Variants in NHS observed in about 807,000 individuals in gnomAD.
The protein encoded by NHS is actin remodeling regulator NHS.
NHS carries 5 observed loss-of-function variants against 72.5 expected under a neutral mutation model. The ratio of observed to expected loss-of-function variants is 0.07; its 90% CI spans 0.04 to 0.14. The LOEUF is 0.14. Ranked by LOEUF, NHS falls within the 10% of genes least tolerant of loss-of-function variation. The pLI, the probability that NHS is intolerant of heterozygous loss-of-function variation, is 1.00. For missense variants in NHS, 1,072 were observed against 1,355.7 expected, an observed-to-expected ratio of 0.79 and a Z score of 3.29; for synonymous variants, 464 against 547.7, an observed-to-expected ratio of 0.85 and a Z score of 2.13.
intron 1 of NHS, among the ~76,000 whole-genome samples, chrX:17,572,491 C>CTTTTTTTTT (rs760577193): frequency 6.4e-5 from 3 of 46,764 alleles, no homozygotes; most frequent in African/African-American, 3.9e-4. Context: ...GCAACCCCTG[C>CTTTTTTTTT]TTTTTTTTTT....
chrX:17,452,062 C>A (rs756987731), intron 1 of NHS, among the ~76,000 whole-genome samples: 2 of 111,449 alleles, frequency 1.8e-5, no homozygotes, highest in Non-Finnish European at 3.8e-5. Context: ...CATGGGAATC[C>A]ATAGGAGACC....
At chrX:17,526,801 T>G (rs1471006542) in intron 1 of NHS, among the ~76,000 whole-genome samples, 2 of 112,338 alleles carry the variant, frequency 1.8e-5, no homozygotes, top group African/African-American at 6.5e-5. Context: ...TTTAATGAGC[T>G]AATCTATTTC....
chrX:17,542,855 G>A (rs763357735), intron 1 of NHS, among the ~76,000 whole-genome samples: 164 of 111,518 alleles, frequency 1.5e-3, no homozygotes, highest in African/African-American at 5.1e-3. Context: ...CAGTTGTCTC[G>A]TCTACAAAAT....
intron 3 of NHS, among the ~76,000 whole-genome samples, chrX:17,698,811 C>G (rs1686913037): frequency 9.0e-6 from 1 of 111,347 alleles, no homozygotes; most frequent in Non-Finnish European, 1.9e-5. Context: ...TATCATATAT[C>G]ATATTAACAG....
At chrX:17,657,864 G>A (rs2147090549) in intron 1 of NHS, among the ~76,000 whole-genome samples, 1 of 113,018 alleles carries the variant, frequency 8.8e-6, no homozygotes, top group East Asian at 2.8e-4. Context: ...AGGGACAAAA[G>A]GGGCCAGGTG....
Position 17,692,447 on chromosome X carries a change from T to A in NHS, c.831T>A (p.Phe277Leu), listed in dbSNP as rs1416704729. 1 of 1,210,493 alleles carries A rather than the reference T, an allele frequency of 8.3e-7. No homozygotes were observed. The highest frequency in any genetic ancestry group is 2.2e-5 in the Admixed American group (1 of 45,860). Residue 277 changes from phenylalanine (F) to leucine (L), a missense_variant, in exon 3 of 9, where the codon TTT (phenylalanine) becomes TTA (leucine). By Grantham distance (22) the Phe-to-Leu change is conservative. Transcript: ENST00000676302. Reference sequence around the variant, plus strand: ...CTCACAGCCAGAGGAGGCGTGAGTTTAAGGACCGTCACTTTTTAACGGTAA... The same window carrying A: ...CTCACAGCCAGAGGAGGCGTGAGTTAAAGGACCGTCACTTTTTAACGGTAA... ...PPAHSQRRREFKDRHFLTFNS... is the reference protein window; with the variant it reads ...PPAHSQRRRELKDRHFLTFNS...
chrX:17,420,439 C>T (rs1044285876), intron 1 of NHS, among the ~76,000 whole-genome samples: 2 of 111,167 alleles, frequency 1.8e-5, no homozygotes, highest in Non-Finnish European at 3.8e-5. Flanking sequence ...TTCTTCCATC[C>T]ACTCACTTAC....
intron 1 of NHS, among the ~76,000 whole-genome samples, chrX:17,495,336 G>A (rs768044888): frequency 1.1e-3 from 125 of 111,551 alleles, no homozygotes; most frequent in Non-Finnish European, 1.8e-3. Context: ...AGAGATGAGT[G>A]GATAGGAAAA....
At chrX:17,487,902 G>A (rs1473694797) in intron 1 of NHS, among the ~76,000 whole-genome samples, 2 of 111,775 alleles carry the variant, frequency 1.8e-5, no homozygotes, top group Non-Finnish European at 3.8e-5. Context: ...ACAAAACCTT[G>A]TGCTTGCTGC....
At chrX:17,430,435 T>C (rs953916709) in intron 1 of NHS, among the ~76,000 whole-genome samples, 34 of 101,931 alleles carry the variant, frequency 3.3e-4, no homozygotes, top group African/African-American at 1.2e-3. Flanking sequence ...CTTCCTTTCT[T>C]TCTCTCTCTC....
intron 1 of NHS, among the ~76,000 whole-genome samples, chrX:17,594,797 G>A (rs1401903876): frequency 8.9e-6 from 1 of 112,615 alleles, no homozygotes; most frequent in Non-Finnish European, 1.9e-5. Context: ...GCAAGTTTGT[G>A]GCCTTAGCTA....
At position 17,511,526 on chromosome X, in the gene NHS, T is replaced by C. The variant is rs1400439980; in HGVS notation, c.565+135204T>C. Among the ~76,000 whole-genome samples, 7 of 111,642 alleles carry C rather than the reference T, an allele frequency of 6.3e-5. No homozygotes were observed. The Admixed American group carries it at 6.7e-4, about 11-fold the overall frequency. Reference sequence around the variant, plus strand: ...TTGTTCATGATAAAAAAAAGCTTCTTAGGCCCTTCCTCTAGAGAATTTGAT... The same window carrying C: ...TTGTTCATGATAAAAAAAAGCTTCTCAGGCCCTTCCTCTAGAGAATTTGAT... On this transcript the variant is annotated intron_variant, in intron 1 of 8. Coordinates refer to ENST00000676302, the MANE Select transcript of NHS (RefSeq NM_001291867.2).
chrX:17,573,724 C>T (rs185755535), intron 1 of NHS, among the ~76,000 whole-genome samples: 4 of 110,867 alleles, frequency 3.6e-5, no homozygotes, highest in East Asian at 2.9e-4. Flanking sequence ...CCCTTGCTGG[C>T]GAGGAGTTGT....
intron 1 of NHS, among the ~76,000 whole-genome samples, chrX:17,520,559 C>G (rs1688052457): frequency 8.9e-6 from 1 of 111,817 alleles, no homozygotes; most frequent in Non-Finnish European, 1.9e-5. Context: ...TGAAGGGCAT[C>G]ATGCTTATTG....
chrX:17,620,609 A>AAG (rs2065768177), intron 1 of NHS, among the ~76,000 whole-genome samples: 1 of 108,960 alleles, frequency 9.2e-6, no homozygotes, highest in South Asian at 3.8e-4. Context: ...AAAAAAAAAA[A>AAG]GGGAACGGAT....
At chrX:17,460,562 T>C (rs915177605) in intron 1 of NHS, among the ~76,000 whole-genome samples, 8 of 111,425 alleles carry the variant, frequency 7.2e-5, no homozygotes, top group African/African-American at 2.3e-4. Context: ...CACAATCTGA[T>C]TCTGTCACCT....
At chrX:17,508,847 T>A (rs1719959551) in intron 1 of NHS, among the ~76,000 whole-genome samples, 1 of 112,443 alleles carries the variant, frequency 8.9e-6, no homozygotes, top group African/African-American at 3.2e-5. Context: ...TAGTGCCATG[T>A]GAACATTTGT....
chrX:17,397,233 CG>C (rs1318746944), intron 1 of NHS, among the ~76,000 whole-genome samples: 1 of 112,487 alleles, frequency 8.9e-6, no homozygotes, highest in African/African-American at 3.2e-5. Flanking sequence ...CACAACCAAC[CG>C]GGTGGCATGT....
intron 3 of NHS, among the ~76,000 whole-genome samples, chrX:17,707,903 G>A (rs2066305654): frequency 9.0e-6 from 1 of 111,655 alleles, no homozygotes; most frequent in African/African-American, 3.3e-5. Context: ...TTACAATAGA[G>A]TTGGGATTGA....
Sources: allele counts gnomAD v4.1 joint callset (sites outside exome capture counted in the v4.1 genomes callset), GRCh38; gene constraint gnomAD v4.1.1; transcripts MANE v1.5; gene names NCBI Gene and HGNC (gene_info 2026-07-23, HGNC 2026-07-21).